The following CNTNAP3B variants were observed in gnomAD, a reference collection of about 807,000 sequenced individuals.
CNTNAP3B encodes the protein contactin associated protein family member 3B, also known as contactin-associated protein-like 3B.
In CNTNAP3B, 25 loss-of-function variants were observed where a neutral mutation model predicts 108.9. That is an observed-to-expected ratio of 0.23 (90% CI 0.17 to 0.32). CNTNAP3B has a LOEUF of 0.32. Ranked by LOEUF, CNTNAP3B falls within the 10% of genes least tolerant of loss-of-function variation. The pLI is 1.00. For synonymous variants in CNTNAP3B, 103 were observed against 473.4 expected, an observed-to-expected ratio of 0.22 and a Z score of 10.16; for missense variants, 252 against 1,210.4, an observed-to-expected ratio of 0.21 and a Z score of 11.75.
chr9:41,922,067 G>T (rs1021483511), intron 17 of CNTNAP3B, among the ~76,000 whole-genome samples: 2 of 143,008 alleles, frequency 1.4e-5, no homozygotes, highest in African/African-American at 2.7e-5. Flanking sequence ...CAAGTTTGGG[G>T]GTCGGCTATC....
chr9:41,990,681 GC>G (rs1825789400), intron 8 of CNTNAP3B, among the ~76,000 whole-genome samples: 1 of 131,190 alleles, frequency 7.6e-6, no homozygotes, highest in African/African-American at 3.0e-5. Flanking sequence ...TTTTTTTAAA[GC>G]CCCCATTTAG....
chr9:42,037,626 T>C (rs1276268752), intron 3 of CNTNAP3B, among the ~76,000 whole-genome samples: 15 of 100,518 alleles, frequency 1.5e-4, no homozygotes, highest in Non-Finnish European at 3.9e-5. Context: ...AATATGGGAC[T>C]ATGTGAAAAG....
intron 9 of CNTNAP3B, among the ~76,000 whole-genome samples, chr9:41,973,502 G>T (rs1204025478): frequency 7.8e-6 from 1 of 128,640 alleles, no homozygotes; most frequent in Non-Finnish European, 1.6e-5. Context: ...AGACTTCAAT[G>T]CAGTGTTGCC....
intron 3 of CNTNAP3B, among the ~76,000 whole-genome samples, chr9:42,061,345 G>T: frequency 8.7e-6 from 1 of 115,390 alleles, no homozygotes. Context: ...TTTTGAGACA[G>T]TCTCGCTCTG....
intron 3 of CNTNAP3B, among the ~76,000 whole-genome samples, chr9:42,041,459 T>A (rs1339079417): frequency 1.0e-4 from 15 of 150,518 alleles, no homozygotes; most frequent in South Asian, 6.3e-4. Flanking sequence ...AAAGAAGACA[T>A]TTATGCAGCC....
rs1827879587 is a variant in CNTNAP3B, at chr9:42,095,392, C to T, written c.196+9237G>A. ...TAACCCACACCTTTGATGTACTTGG[C>T]TCTAGTAAGTACAAGCGTGGGGAAA... On this transcript the variant is annotated intron_variant, in intron 2 of 23. Transcript: ENST00000377561. Among the ~76,000 whole-genome samples, 3 of 139,300 alleles carry T rather than the reference C, an allele frequency of 2.2e-5. No homozygotes were observed. The South Asian group carries it at 7.0e-4, about 32-fold the overall frequency. The allele number at this position is 139,300 out of a possible 152,430, so 91.4% of individuals were successfully genotyped here.
At chr9:41,931,439 C>T (rs1262497281) in intron 14 of CNTNAP3B, among the ~76,000 whole-genome samples, 2 of 152,396 alleles carry the variant, frequency 1.3e-5, no homozygotes, top group East Asian at 1.9e-4. Context: ...CTTTTGTACC[C>T]ATTAATCAAC....
intron 10 of CNTNAP3B, among the ~76,000 whole-genome samples, chr9:41,965,037 G>A (rs1357381846): frequency 3.3e-5 from 5 of 152,274 alleles, no homozygotes; most frequent in Non-Finnish European, 5.9e-5. Context: ...GAGGGGAGAA[G>A]AAAGAAACAG....
chr9:41,945,442 A>C (rs1248774020), intron 13 of CNTNAP3B, among the ~76,000 whole-genome samples: 3 of 152,428 alleles, frequency 2.0e-5, no homozygotes, highest in African/African-American at 7.2e-5. Flanking sequence ...AGCCATGAAA[A>C]AGGATGAGTT....
At chr9:41,943,631 C>G (rs1824433103) in intron 13 of CNTNAP3B, among the ~76,000 whole-genome samples, 1 of 150,030 alleles carries the variant, frequency 6.7e-6, no homozygotes, top group Non-Finnish European at 1.5e-5. Flanking sequence ...GGATTACAGG[C>G]AAGTGAGTCA....
intron 14 of CNTNAP3B, among the ~76,000 whole-genome samples, chr9:41,936,141 G>A (rs1824149593): frequency 6.6e-6 from 1 of 152,304 alleles, no homozygotes; most frequent in South Asian, 2.1e-4. Context: ...TTAGCCAGGT[G>A]TGGCACTCGG....
intron 13 of CNTNAP3B, among the ~76,000 whole-genome samples, chr9:41,943,292 C>G (rs545194912): frequency 3.3e-5 from 5 of 150,400 alleles, no homozygotes; most frequent in Non-Finnish European, 5.9e-5. Context: ...CCATTAAACA[C>G]AAAGAGAAAA....
At chr9:41,957,885 C>T (rs1441900211) in intron 12 of CNTNAP3B, among the ~76,000 whole-genome samples, 19 of 152,294 alleles carry the variant, frequency 1.2e-4, no homozygotes, top group African/African-American at 2.6e-4. Flanking sequence ...CTCAGCCTCC[C>T]GAGTAGCTGG....
chr9:41,967,392 G>C (rs1587159226), intron 10 of CNTNAP3B, among the ~76,000 whole-genome samples: 2 of 125,932 alleles, frequency 1.6e-5, no homozygotes, highest in African/African-American at 2.6e-5. Context: ...GACGTGTCTT[G>C]TTTCTCCTTC....
intron 2 of CNTNAP3B, among the ~76,000 whole-genome samples, chr9:42,096,435 C>T (rs1354884859): frequency 7.2e-6 from 1 of 139,582 alleles, no homozygotes; most frequent in Non-Finnish European, 1.5e-5. Context: ...TGCTTTTGGA[C>T]TTCAGAAGTG....
At chr9:42,026,879 C>T (rs1443126655) in intron 3 of CNTNAP3B, among the ~76,000 whole-genome samples, 1 of 129,030 alleles carries the variant, frequency 7.8e-6, no homozygotes, top group Non-Finnish European at 1.6e-5. Flanking sequence ...TAATGGGAGA[C>T]TTTTAAGCAA....
In CNTNAP3B at chr9:42,056,326, T is replaced by TTTTTTATTATTA. The variant is rs1554753495; in HGVS notation, c.390+20542_390+20543insTAATAATAAAAA. ...CAAGGTTGAATATTATCTCATGAAT[T>TTTTTTATTATTA]TTATTATTATTATTATTATTATTAT... On this transcript the variant is annotated intron_variant, in intron 3 of 23. Transcript: ENST00000377561. Among the ~76,000 whole-genome samples, 205 of 129,096 alleles carry TTTTTTATTATTA rather than the reference T, an allele frequency of 1.6e-3. 8 individuals are homozygous for TTTTTTATTATTA. The highest frequency in any genetic ancestry group is 4.9e-3 in the African/African-American group (162 of 33,114). The allele number at this position is 129,096 out of a possible 152,430, so 84.7% of individuals were successfully genotyped here.
intron 13 of CNTNAP3B, among the ~76,000 whole-genome samples, chr9:41,941,056 T>A (rs1824327784): frequency 6.7e-6 from 1 of 149,870 alleles, no homozygotes; most frequent in African/African-American, 2.5e-5. Context: ...TAATACCATA[T>A]GATACTCAAG....
At chr9:41,935,223 G>T (rs1290709091) in intron 14 of CNTNAP3B, among the ~76,000 whole-genome samples, 30 of 152,284 alleles carry the variant, frequency 2.0e-4, no homozygotes, top group African/African-American at 7.2e-4. Flanking sequence ...CTGAGGAACT[G>T]TCTGATCATA....
Sources: gnomAD v4.1 joint callset for allele counts (sites outside exome capture counted in the v4.1 genomes callset) on GRCh38, gnomAD v4.1.1 for gene constraint, MANE v1.5 for transcripts, NCBI Gene and HGNC (gene_info 2026-07-23, HGNC 2026-07-21) for gene names.